GRM3: variants seen among roughly 807,000 people sequenced by gnomAD.
GRM3 encodes the protein metabotropic glutamate receptor 3.
GRM3 carries 26 observed loss-of-function variants against 70.5 expected under a neutral mutation model. That is an observed-to-expected ratio of 0.37 (90% CI 0.27 to 0.51). GRM3 has a LOEUF of 0.51. Ranked by LOEUF, GRM3 falls within the 20% of genes least tolerant of loss-of-function variation. The probability of loss-of-function intolerance (pLI) is 0.93; values close to 1 mark genes in which losing one functional copy is unlikely to be tolerated. For missense variants in GRM3, 859 were observed against 1,123.8 expected, an observed-to-expected ratio of 0.76 and a Z score of 3.37; for synonymous variants, 443 against 434.9, an observed-to-expected ratio of 1.02 and a Z score of -0.23.
chr7:86,648,084 A>G (rs1178067677), intron 1 of GRM3, among the ~76,000 whole-genome samples: 1 of 152,264 alleles, frequency 6.6e-6, no homozygotes, highest in Non-Finnish European at 1.5e-5. Context: ...CTTATAAAAT[A>G]CAAAAGCTTC....
At chr7:86,806,101 G>A (rs973078057) in intron 3 of GRM3, among the ~76,000 whole-genome samples, 2 of 152,118 alleles carry the variant, frequency 1.3e-5, no homozygotes, top group African/African-American at 4.8e-5. Flanking sequence ...TGGCTACATA[G>A]TATTCCATGG....
At position 86,766,873 on chromosome 7, in the gene GRM3, T is replaced by C. The variant is rs550562439; in HGVS notation, c.468+1260T>C. Among the ~76,000 whole-genome samples, 8 of 152,220 alleles carry C rather than the reference T, an allele frequency of 5.3e-5. No homozygotes were observed. The East Asian group carries it at 1.4e-3, about 26-fold the overall frequency. On this transcript the variant is annotated intron_variant, in intron 2 of 5. Transcript: ENST00000361669. ...ACCACTTAAATTGGCTATATTTGCG[T>C]TGGAATAACCTTCTTTCTCTATCTC...
rs2116737149 is a variant in GRM3 at position 86,839,422 on chromosome 7, A to C, written c.1908A>C (p.Pro636=). 1 of 1,614,016 alleles carries C rather than the reference A, an allele frequency of 6.2e-7. No homozygotes were observed. Residue 636 remains proline, a synonymous_variant, in exon 4 of 6, where the codon CCA becomes CCC. Coordinates refer to ENST00000361669, the MANE Select transcript of GRM3 (RefSeq NM_000840.3). This position sits in a 1 kb window ranked among gnomAD's most constrained non-coding sequence, Gnocchi z 4.5. ...YCMTFFFIAK[P]SPVICALRRL... The stretch of plus-strand genomic sequence containing the variant: ...TGACATTCTTCTTCATTGCCAAGCC[A>C]TCACCAGTCATCTGTGCATTGCGCC...
At chr7:86,731,184 T>A (rs1418078422) in intron 1 of GRM3, among the ~76,000 whole-genome samples, 1 of 152,228 alleles carries the variant, frequency 6.6e-6, no homozygotes, top group African/African-American at 2.4e-5. Context: ...TGATTGAATA[T>A]TGGCTGCTCG....
At chr7:86,798,532 T>G (rs1337453411) in intron 3 of GRM3, among the ~76,000 whole-genome samples, 1 of 152,220 alleles carries the variant, frequency 6.6e-6, no homozygotes. Flanking sequence ...AACAAATGCC[T>G]GTACCCCCAT....
At chr7:86,764,100 C>T (rs755575572) in intron 1 of GRM3, among the ~76,000 whole-genome samples, 2 of 152,152 alleles carry the variant, frequency 1.3e-5, no homozygotes, top group Non-Finnish European at 2.9e-5. Flanking sequence ...TTCATAGACA[C>T]GCAGACTTTG....
intron 1 of GRM3, among the ~76,000 whole-genome samples, chr7:86,703,895 A>G (rs1224236904): frequency 1.3e-5 from 2 of 151,968 alleles, no homozygotes; most frequent in African/African-American, 4.8e-5. Flanking sequence ...AATGACCTTT[A>G]AAGTTAAAAT....
Position 86,864,417 on chromosome 7 carries a change from C to T in GRM3, c.*62C>T, listed in dbSNP as rs770377712. 5 of 1,111,392 alleles carry T rather than the reference C, an allele frequency of 4.5e-6. No homozygotes were observed. Among genetic ancestry groups the T allele is most frequent in the Non-Finnish European group, 6.9e-6 (5 of 720,738 alleles). The allele number at this position is 1,111,392 out of a possible 1,614,324, so 68.8% of individuals were successfully genotyped here. On this transcript the variant is annotated 3_prime_UTR_variant, in exon 6 of 6. Coordinates refer to ENST00000361669, the MANE Select transcript of GRM3 (RefSeq NM_000840.3). ...GTTAGACAAAAGTGCTCACGTGCAGCTCCAGAATATGGAAACAGAGCAAAA... is the reference window on the plus strand; with the variant it reads ...GTTAGACAAAAGTGCTCACGTGCAGTTCCAGAATATGGAAACAGAGCAAAA...
At chr7:86,810,847 GACATATCT>G (rs1562871730) in intron 3 of GRM3, among the ~76,000 whole-genome samples, 2 of 151,902 alleles carry the variant, frequency 1.3e-5, no homozygotes, top group Non-Finnish European at 2.9e-5. Flanking sequence ...ATTTGTGATA[GACATATCT>G]ACATACACAC....
At chr7:86,701,298 C>A (rs1176027444) in intron 1 of GRM3, among the ~76,000 whole-genome samples, 1 of 151,750 alleles carries the variant, frequency 6.6e-6, no homozygotes, top group Non-Finnish European at 1.5e-5. Flanking sequence ...ATAAACTTTA[C>A]TGTACTTGAG....
chr7:86,739,078 A>C (rs946596075), intron 1 of GRM3, among the ~76,000 whole-genome samples: 1 of 152,174 alleles, frequency 6.6e-6, no homozygotes, highest in Non-Finnish European at 1.5e-5. Flanking sequence ...CCTGGGTTCA[A>C]GCAATTCTCC....
chr7:86,695,754 C>G (rs1380460663), intron 1 of GRM3, among the ~76,000 whole-genome samples: 1 of 152,068 alleles, frequency 6.6e-6, no homozygotes, highest in Non-Finnish European at 1.5e-5. Context: ...AATTTTCTAA[C>G]ACTTACTAGG....
chr7:86,801,024 A>G (rs1450556617), intron 3 of GRM3, among the ~76,000 whole-genome samples: 1 of 151,170 alleles, frequency 6.6e-6, no homozygotes, highest in Admixed American at 6.6e-5. Context: ...TTGGCTAGCA[A>G]CTAGTCTCAT....
intron 3 of GRM3, among the ~76,000 whole-genome samples, chr7:86,809,355 A>G (rs967195428): frequency 1.3e-5 from 2 of 152,066 alleles, no homozygotes; most frequent in Admixed American, 1.3e-4. Context: ...CCATCATACA[A>G]TTGTGGATCA....
At chr7:86,860,102 A>T (rs1047367150) in intron 5 of GRM3, among the ~76,000 whole-genome samples, 3 of 152,194 alleles carry the variant, frequency 2.0e-5, no homozygotes, top group East Asian at 3.8e-4. Context: ...ATAGGGCTAC[A>T]TGCCTCTTAT....
In GRM3 at chr7:86,644,249, C is replaced by T. The variant is rs952000223; in HGVS notation, c.-764C>T. On this transcript the variant is annotated 5_prime_UTR_variant, in exon 1 of 6. Coordinates refer to ENST00000361669, the MANE Select transcript of GRM3 (RefSeq NM_000840.3). ...CTGGCTTTTCGTATAAAAATCCTCT[C>T]GTCTAGGTACCCTGGCTCACTGAAG... 6.2e-5 allele frequency: 11 copies of T among 177,494 alleles called. No individual in the cohort carries two copies. The highest frequency in any genetic ancestry group is 1.1e-4 in the Non-Finnish European group (9 of 83,414). The allele number at this position is 177,494 out of a possible 1,614,324, so 11.0% of individuals were successfully genotyped here.
intron 3 of GRM3, among the ~76,000 whole-genome samples, chr7:86,798,693 G>T (rs1295046221): frequency 6.6e-6 from 1 of 152,176 alleles, no homozygotes; most frequent in East Asian, 1.9e-4. Context: ...TGCATGATTG[G>T]TTTTGAAATG....
At chr7:86,767,071 G>A (rs758605582) in intron 2 of GRM3, among the ~76,000 whole-genome samples, 1 of 151,922 alleles carries the variant, frequency 6.6e-6, no homozygotes, top group African/African-American at 2.4e-5. Flanking sequence ...CATTAGCAGG[G>A]CATAGTGGGA....
intron 3 of GRM3, among the ~76,000 whole-genome samples, chr7:86,828,111 CAAAAAAAAAAAAA>C (rs55645713): frequency 5.9e-5 from 4 of 68,292 alleles, no homozygotes; most frequent in South Asian, 7.0e-4. Flanking sequence ...AACTCCGTAT[CAAAAAAAAAAAAA>C]AAAAAAAAAA....
Sources: gnomAD v4.1 joint callset for allele counts (sites outside exome capture counted in the v4.1 genomes callset) on GRCh38, gnomAD v4.1.1 for gene constraint, Gnocchi (gnomAD v3.1) non-coding constraint, MANE v1.5 for transcripts, NCBI Gene and HGNC (gene_info 2026-07-23, HGNC 2026-07-21) for gene names.